Variants in RASGRP3 observed in about 807,000 individuals in gnomAD.
The protein encoded by RASGRP3 is ras guanyl-releasing protein 3.
In RASGRP3, 54 loss-of-function variants were observed where a neutral mutation model predicts 82.7. The ratio of observed to expected loss-of-function variants is 0.65; its 90% CI spans 0.52 to 0.82. The LOEUF is 0.82. RASGRP3 is among the 40% of genes least tolerant of loss of function. The probability of loss-of-function intolerance (pLI) is 0.00; values close to 1 mark genes in which losing one functional copy is unlikely to be tolerated. For synonymous variants in RASGRP3, 309 were observed against 300.5 expected (o/e 1.03, Z -0.29); for missense variants, 861 against 828.9 (o/e 1.04, Z -0.48).
At chr2:33,505,384 C>A (rs1480105559) in intron 1 of RASGRP3, among the ~76,000 whole-genome samples, 1 of 151,724 alleles carries the variant, frequency 6.6e-6, no homozygotes, top group African/African-American at 2.4e-5. Flanking sequence ...CTCACCACAA[C>A]CTCTGCCTCC....
chr2:33,478,314 G>A (rs1667560135), intron 1 of RASGRP3, among the ~76,000 whole-genome samples: 1 of 152,204 alleles, frequency 6.6e-6, no homozygotes, highest in Non-Finnish European at 1.5e-5. Context: ...CCTCGGTATG[G>A]CATTTGTGTG....
intron 1 of RASGRP3, among the ~76,000 whole-genome samples, chr2:33,446,390 C>G (rs188309107): frequency 6.6e-6 from 1 of 152,136 alleles, no homozygotes; most frequent in African/African-American, 2.4e-5. Flanking sequence ...ATCTCCTGAC[C>G]TCATGATCCA....
chr2:33,456,097 AT>A (rs1666022623), intron 2 of RASGRP3, among the ~76,000 whole-genome samples: 1 of 151,936 alleles, frequency 6.6e-6, no homozygotes, highest in Non-Finnish European at 1.5e-5. Flanking sequence ...TTCCTTTGTT[AT>A]TTTTGGTATA....
intron 14 of RASGRP3, 105 bp downstream of exon 14, chr2:33,549,856 T>G (rs1169474429): frequency 3.0e-6 from 4 of 1,329,228 alleles, no homozygotes; most frequent in Non-Finnish European, 4.1e-6. Context: ...CTGCTTTGAA[T>G]CAGAAGTAAA....
chr2:33,520,507 C>A, intron 5 of RASGRP3, 46 bp from the exon 6 acceptor site: 4 of 1,608,668 alleles, frequency 2.5e-6, no homozygotes, highest in Non-Finnish European at 3.4e-6. Context: ...CCATAGATAA[C>A]CAACTTGCAA....
At chr2:33,512,441 G>C (rs1671014498) in intron 2 of RASGRP3, among the ~76,000 whole-genome samples, 1 of 152,196 alleles carries the variant, frequency 6.6e-6, no homozygotes, top group Admixed American at 6.5e-5. Flanking sequence ...AATCAAACTT[G>C]TTAATTGTTC....
chr2:33,496,103 G>A (rs879545246), intron 1 of RASGRP3, among the ~76,000 whole-genome samples: 3 of 152,196 alleles, frequency 2.0e-5, no homozygotes, highest in Non-Finnish European at 4.4e-5. Flanking sequence ...TATACATCTA[G>A]GGGCTAAATC....
intron 13 of RASGRP3, among the ~76,000 whole-genome samples, chr2:33,546,388 A>G (rs181946461): frequency 6.6e-6 from 1 of 150,424 alleles, no homozygotes; most frequent in Non-Finnish European, 1.5e-5. Flanking sequence ...GCACCACTGC[A>G]CTCCAGCCTG....
intron 10 of RASGRP3, among the ~76,000 whole-genome samples, 167 bp downstream of exon 10, chr2:33,527,579 A>G (rs559071601): frequency 6.6e-6 from 1 of 152,204 alleles, no homozygotes; most frequent in East Asian, 1.9e-4. Flanking sequence ...CCTGATTAAT[A>G]TTTTCCATAA....
chr2:33,469,866 T>A (rs1666953947), intron 2 of RASGRP3, among the ~76,000 whole-genome samples: 1 of 152,250 alleles, frequency 6.6e-6, no homozygotes, highest in Non-Finnish European at 1.5e-5. Flanking sequence ...TGATTTAACC[T>A]GTTTTTGAAT....
chr2:33,470,083 C>G (rs1167752370), intron 2 of RASGRP3, among the ~76,000 whole-genome samples: 2 of 151,946 alleles, frequency 1.3e-5, no homozygotes, highest in East Asian at 1.9e-4. Flanking sequence ...CTAAAATTTT[C>G]TTTACCATTC....
intron 17 of RASGRP3, among the ~76,000 whole-genome samples, chr2:33,560,940 A>G (rs2151124226): frequency 6.6e-6 from 1 of 152,384 alleles, no homozygotes; most frequent in Non-Finnish European, 1.5e-5. Context: ...TATCCTGATC[A>G]TTAATCTCTA....
intron 4 of RASGRP3, among the ~76,000 whole-genome samples, chr2:33,518,976 G>A (rs1445253155): frequency 6.6e-6 from 1 of 152,092 alleles, no homozygotes; most frequent in Non-Finnish European, 1.5e-5. Flanking sequence ...TTAAGTAAAA[G>A]GAGTACTCTA....
intron 1 of RASGRP3, among the ~76,000 whole-genome samples, chr2:33,478,105 G>A (rs762694712): frequency 2.6e-5 from 4 of 152,130 alleles, no homozygotes; most frequent in Non-Finnish European, 4.4e-5. Flanking sequence ...GCACTTCTGC[G>A]ATCGAGTTTC....
chr2:33,444,552 G>A (rs1013504214), intron 1 of RASGRP3, among the ~76,000 whole-genome samples: 2 of 152,108 alleles, frequency 1.3e-5, no homozygotes, highest in African/African-American at 2.4e-5. Context: ...GAAGAGCTAC[G>A]GTGCCACCCA....
chr2:33,439,243 C>A (rs1281554006), intron 1 of RASGRP3, among the ~76,000 whole-genome samples: 1 of 152,128 alleles, frequency 6.6e-6, no homozygotes, highest in Non-Finnish European at 1.5e-5. Flanking sequence ...GGGAAGTATA[C>A]AGGACACAAA....
At chr2:33,462,694 C>T (rs1253221576) in intron 2 of RASGRP3, among the ~76,000 whole-genome samples, 1 of 152,186 alleles carries the variant, frequency 6.6e-6, no homozygotes, top group Non-Finnish European at 1.5e-5. Context: ...GAGTTTCTAA[C>T]TGCACTTTTC....
intron 12 of RASGRP3, among the ~76,000 whole-genome samples, chr2:33,540,604 G>C (rs1674197789): frequency 9.0e-6 from 1 of 110,816 alleles, no homozygotes; most frequent in African/African-American, 3.0e-5. Flanking sequence ...GTGTGTGTGT[G>C]TCTGGGGAAT....
At chr2:33,459,408 A>G (rs1346222172) in intron 2 of RASGRP3, among the ~76,000 whole-genome samples, 2 of 152,240 alleles carry the variant, frequency 1.3e-5, no homozygotes, top group Non-Finnish European at 2.9e-5. Flanking sequence ...TGCTGGGATT[A>G]CAGGCGTGAG....
Sources: allele counts gnomAD v4.1 joint callset (sites outside exome capture counted in the v4.1 genomes callset), GRCh38; gene constraint gnomAD v4.1.1; transcripts MANE v1.5; gene names NCBI Gene and HGNC (gene_info 2026-07-23, HGNC 2026-07-21).